Variants in NLGN1 observed in about 807,000 individuals in gnomAD.
NLGN1 encodes the protein neuroligin 1.
A neutral mutation model predicts 65.5 loss-of-function variants in NLGN1; 12 were observed. That is an observed-to-expected ratio of 0.18 (90% CI 0.12 to 0.30). The LOEUF is 0.30. Among genes scored for constraint, NLGN1 ranks in the 10% least tolerant of loss-of-function variants. The probability of loss-of-function intolerance (pLI) is 1.00; values close to 1 mark genes in which losing one functional copy is unlikely to be tolerated. For missense variants in NLGN1, 750 were observed against 1,007.1 expected (o/e 0.74, Z 3.46); for synonymous variants, 350 against 359.5 (o/e 0.97, Z 0.30).
chr3:173,973,204 CA>C (rs1716668597), intron 4 of NLGN1, among the ~76,000 whole-genome samples: 2 of 152,060 alleles, frequency 1.3e-5, no homozygotes, highest in Non-Finnish European at 2.9e-5. Context: ...TGTGTATTAT[CA>C]TTGTGGGAAA....
chr3:173,623,892 T>A (rs1754407769), intron 3 of NLGN1, among the ~76,000 whole-genome samples: 1 of 152,154 alleles, frequency 6.6e-6, no homozygotes, highest in South Asian at 2.1e-4. Context: ...TTTTAAATAT[T>A]TAAATTATCT....
intron 3 of NLGN1, among the ~76,000 whole-genome samples, chr3:173,728,318 CA>C (rs1772172481): frequency 6.6e-6 from 1 of 151,988 alleles, no homozygotes; most frequent in African/African-American, 2.4e-5. Flanking sequence ...ATCTTACAGG[CA>C]AATTTTGGCA....
intron 4 of NLGN1, among the ~76,000 whole-genome samples, chr3:173,925,577 T>G (rs1742848024): frequency 6.6e-6 from 1 of 152,124 alleles, no homozygotes; most frequent in South Asian, 2.1e-4. Flanking sequence ...ACCTGGGAGC[T>G]GGAAGAATAC....
chr3:173,845,651 A>ATAG (rs1560482758), intron 4 of NLGN1, among the ~76,000 whole-genome samples: 16 of 123,242 alleles, frequency 1.3e-4, no homozygotes, highest in East Asian at 5.2e-4. Flanking sequence ...TAGATAGATA[A>ATAG]ATAGACGAAT....
intron 3 of NLGN1, chr3:173,800,212 T>A (rs149022390): frequency 2.7e-6 from 1 of 366,160 alleles, no homozygotes; most frequent in African/African-American, 2.2e-5. Flanking sequence ...TTAGTATTTA[T>A]ATTTATTTTT....
chr3:174,170,969 G>GA (rs1279828737), intron 4 of NLGN1, among the ~76,000 whole-genome samples: 1 of 152,102 alleles, frequency 6.6e-6, no homozygotes, highest in Non-Finnish European at 1.5e-5. Context: ...AATGTGAAAT[G>GA]AAAATTTACA....
At chr3:173,492,789 A>G (rs1729396389) in intron 2 of NLGN1, among the ~76,000 whole-genome samples, 1 of 151,838 alleles carries the variant, frequency 6.6e-6, no homozygotes, top group African/African-American at 2.4e-5. Flanking sequence ...GTAATCTTTG[A>G]TTACATTATT....
intron 4 of NLGN1, among the ~76,000 whole-genome samples, chr3:174,017,966 C>T (rs986831692): frequency 1.3e-5 from 2 of 152,022 alleles, no homozygotes; most frequent in African/African-American, 4.8e-5. Context: ...TCCTAATAGG[C>T]CTGGGAGTGC....
At chr3:174,211,448 T>A (rs1736488758) in intron 4 of NLGN1, among the ~76,000 whole-genome samples, 2 of 151,992 alleles carry the variant, frequency 1.3e-5, no homozygotes, top group African/African-American at 4.8e-5. Flanking sequence ...AGCAGCTAGA[T>A]ACAGAGTGTC....
intron 2 of NLGN1, among the ~76,000 whole-genome samples, chr3:173,534,994 A>C (rs1737198983): frequency 6.6e-6 from 1 of 152,230 alleles, no homozygotes; most frequent in African/African-American, 2.4e-5. Flanking sequence ...GAACAAAAGC[A>C]CTAATAACTT....
chr3:173,881,351 C>T (rs928866442), intron 4 of NLGN1, among the ~76,000 whole-genome samples: 1 of 151,580 alleles, frequency 6.6e-6, no homozygotes, highest in Admixed American at 6.6e-5. Flanking sequence ...CCTGCCTCGG[C>T]CTCCCAAATT....
chr3:174,004,771 C>T (rs1724024331), intron 4 of NLGN1, among the ~76,000 whole-genome samples: 1 of 152,048 alleles, frequency 6.6e-6, no homozygotes, highest in Non-Finnish European at 1.5e-5. Context: ...ATTGTTTAAA[C>T]AGAGTAAAAT....
chr3:174,023,742 G>T (rs2152461020), intron 4 of NLGN1, among the ~76,000 whole-genome samples: 1 of 152,232 alleles, frequency 6.6e-6, no homozygotes, highest in Admixed American at 6.5e-5. Flanking sequence ...CCACTCCAAT[G>T]GAACAATCCA....
In NLGN1 at chr3:173,834,270, C is replaced by G. The variant is rs550060623; in HGVS notation, c.646+26438C>G. Among the ~76,000 whole-genome samples the G allele has an allele frequency of 2.6e-5, 4 of 152,226 alleles. No homozygotes were observed. In the South Asian group the frequency reaches 8.3e-4, roughly 32 times the overall value. On this transcript the variant is annotated intron_variant, in intron 4 of 6. Transcript: ENST00000457714. ...AACTTATTTAATTAATAAGGCATTA[C>G]AATACATTTTGATGGTGGGCATGGC...
At chr3:173,966,391 A>G (rs773141762) in intron 4 of NLGN1, among the ~76,000 whole-genome samples, 7 of 152,230 alleles carry the variant, frequency 4.6e-5, no homozygotes, top group Non-Finnish European at 7.3e-5. Flanking sequence ...TAGAAGGTCA[A>G]TCTTGAAGGG....
At chr3:174,208,038 A>G (rs1282511361) in intron 4 of NLGN1, among the ~76,000 whole-genome samples, 4 of 152,184 alleles carry the variant, frequency 2.6e-5, no homozygotes, top group Non-Finnish European at 5.9e-5. Context: ...AAGCAAATCA[A>G]TTTATTTTAA....
At chr3:173,818,889 A>T (rs1719577183) in intron 4 of NLGN1, among the ~76,000 whole-genome samples, 1 of 31,462 alleles carries the variant, frequency 3.2e-5, no homozygotes, top group African/African-American at 1.7e-4. Context: ...CTGCCTTTGA[A>T]TAGTTCTTTT....
chr3:174,227,570 T>C (rs1422473161), intron 4 of NLGN1, among the ~76,000 whole-genome samples: 1 of 152,138 alleles, frequency 6.6e-6, no homozygotes, highest in Admixed American at 6.5e-5. Context: ...AGGAAAGTTA[T>C]ATTTTTAGGT....
intron 2 of NLGN1, among the ~76,000 whole-genome samples, chr3:173,548,029 T>C (rs988059826): frequency 6.6e-6 from 1 of 152,110 alleles, no homozygotes; most frequent in South Asian, 2.1e-4. Flanking sequence ...CTATAATAAC[T>C]TATTCGTTAA....
Sources: allele counts gnomAD v4.1 joint callset (sites outside exome capture counted in the v4.1 genomes callset), GRCh38; gene constraint gnomAD v4.1.1; transcripts MANE v1.5; gene names NCBI Gene and HGNC (gene_info 2026-07-23, HGNC 2026-07-21).